The following XKR4 variants were observed in gnomAD, a reference collection of about 807,000 sequenced individuals.
XKR4 encodes the protein XK related 4.
A neutral mutation model predicts 53.9 loss-of-function variants in XKR4; 12 were observed. The ratio of observed to expected loss-of-function variants is 0.22; its 90% CI spans 0.14 to 0.36. The LOEUF (loss-of-function observed/expected upper bound fraction) is 0.36, where lower values mean the gene tolerates loss of function less well. Ranked by LOEUF, XKR4 falls within the 10% of genes least tolerant of loss-of-function variation. The pLI, the probability that XKR4 is intolerant of heterozygous loss-of-function variation, is 1.00. For missense variants in XKR4, 799 were observed against 859.5 expected (o/e 0.93, Z 0.88); for synonymous variants, 354 against 362.4 (o/e 0.98, Z 0.26).
At chr8:55,127,235 TAA>T (rs1262769020) in intron 1 of XKR4, among the ~76,000 whole-genome samples, 690 of 67,864 alleles carry the variant, frequency 0.01, 7 homozygotes, top group African/African-American at 0.038. Flanking sequence ...TTTAGGTGCC[TAA>T]CTCTTTTTTT....
intron 2 of XKR4, among the ~76,000 whole-genome samples, chr8:55,457,380 G>T (rs1429324884): frequency 6.6e-6 from 1 of 152,162 alleles, no homozygotes; most frequent in Non-Finnish European, 1.5e-5. Flanking sequence ...CTGACCTTGT[G>T]ATCTGCCCGC....
At chr8:55,174,856 C>T (rs188406977) in intron 1 of XKR4, among the ~76,000 whole-genome samples, 24 of 152,262 alleles carry the variant, frequency 1.6e-4, no homozygotes, top group Admixed American at 5.2e-4. Context: ...GCGTGTGTCA[C>T]AGCATGACTG....
At position 55,239,798 on chromosome 8, in the gene XKR4, G is replaced by A. The variant is rs73682920; in HGVS notation, c.807-117880G>A. Among the ~76,000 whole-genome samples, 996 of 152,086 alleles carry A rather than the reference G, an allele frequency of 6.5e-3. 8 individuals carry two copies. The highest frequency in any genetic ancestry group is 0.013 in the African/African-American group (556 of 41,488). On this transcript the variant is annotated intron_variant, in intron 1 of 2. Transcript: ENST00000327381. Reference sequence around the variant, plus strand: ...TCAACCCAAATTCCCATTCCATCCCGCAGCTTTCAAAAGTGGCCTCCTACA... The same window carrying A: ...TCAACCCAAATTCCCATTCCATCCCACAGCTTTCAAAAGTGGCCTCCTACA...
At chr8:55,361,478 C>T (rs970075019) in intron 2 of XKR4, among the ~76,000 whole-genome samples, 3 of 152,060 alleles carry the variant, frequency 2.0e-5, no homozygotes, top group Non-Finnish European at 4.4e-5. Flanking sequence ...TTGTATCTTC[C>T]AGCAAAATCT....
intron 1 of XKR4, among the ~76,000 whole-genome samples, chr8:55,291,234 C>G (rs1314176647): frequency 6.6e-6 from 1 of 152,160 alleles, no homozygotes; most frequent in South Asian, 2.1e-4. Context: ...TGTGTCTACT[C>G]TTGGCCGATA....
intron 2 of XKR4, among the ~76,000 whole-genome samples, chr8:55,506,287 TA>T (rs1806525762): frequency 6.6e-6 from 1 of 152,224 alleles, no homozygotes; most frequent in African/African-American, 2.4e-5. Flanking sequence ...GCATCTCTAC[TA>T]ACTAGAGATC....
Position 55,438,606 on chromosome 8 carries a change from AAG to A in XKR4, c.1006+80739_1006+80740del, listed in dbSNP as rs75932099. Among the ~76,000 whole-genome samples, 723 of 146,374 alleles carry A rather than the reference AAG, an allele frequency of 4.9e-3. 64 individuals are homozygous for A. The highest frequency in any genetic ancestry group is 0.021 in the Middle Eastern group (6 of 284). ...CTCCATCTTGAAAAAAAAAAAAAAA[AAG>A]AGAGAGAGACTTATAAAAGAAGATG... On this transcript the variant is annotated intron_variant, in intron 2 of 2. Coordinates refer to ENST00000327381, the MANE Select transcript of XKR4 (RefSeq NM_052898.2).
chr8:55,318,101 C>T (rs1427916429), intron 1 of XKR4, among the ~76,000 whole-genome samples: 1 of 152,132 alleles, frequency 6.6e-6, no homozygotes, highest in South Asian at 2.1e-4. Flanking sequence ...CAATTGTTGG[C>T]TTGAATCAAT....
chr8:55,289,787 G>C (rs962971225), intron 1 of XKR4, among the ~76,000 whole-genome samples: 1 of 140,674 alleles, frequency 7.1e-6, no homozygotes, highest in African/African-American at 2.7e-5. Flanking sequence ...GAGAGGGAGG[G>C]GGAGAGAGAG....
At chr8:55,376,975 CAGAG>C (rs1195826378) in intron 2 of XKR4, among the ~76,000 whole-genome samples, 4 of 151,284 alleles carry the variant, frequency 2.6e-5, no homozygotes, top group South Asian at 2.1e-4. Context: ...CACACACACA[CAGAG>C]AGAGAGAGAG....
intron 2 of XKR4, among the ~76,000 whole-genome samples, chr8:55,457,647 C>T (rs1453040240): frequency 6.6e-6 from 1 of 152,180 alleles, no homozygotes; most frequent in African/African-American, 2.4e-5. Flanking sequence ...AAAACATTCC[C>T]AGACAGAAAC....
At chr8:55,516,029 C>A (rs113369153) in intron 2 of XKR4, among the ~76,000 whole-genome samples, 1 of 152,154 alleles carries the variant, frequency 6.6e-6, no homozygotes, top group South Asian at 2.1e-4. Flanking sequence ...TGAGTGTGGG[C>A]AAGTCATTTA....
chr8:55,208,236 T>C (rs987957508), intron 1 of XKR4, among the ~76,000 whole-genome samples: 1 of 152,126 alleles, frequency 6.6e-6, no homozygotes, highest in Non-Finnish European at 1.5e-5. Context: ...TTAACTAGAG[T>C]CCTAGTGCTG....
chr8:55,288,960 G>A (rs904315712), intron 1 of XKR4, among the ~76,000 whole-genome samples: 55 of 152,074 alleles, frequency 3.6e-4, no homozygotes, highest in African/African-American at 1.3e-3. Context: ...ATGGTTATCT[G>A]GACATCCCAC....
intron 1 of XKR4, among the ~76,000 whole-genome samples, chr8:55,261,140 A>G (rs1040701750): frequency 3.3e-5 from 5 of 152,208 alleles, no homozygotes; most frequent in Non-Finnish European, 5.9e-5. Flanking sequence ...AGGAGAGGAA[A>G]GAAGACACAC....
intron 1 of XKR4, among the ~76,000 whole-genome samples, chr8:55,157,335 A>T (rs1321401372): frequency 1.3e-5 from 2 of 152,218 alleles, no homozygotes; most frequent in East Asian, 3.8e-4. Context: ...GAATAAAGAA[A>T]TTATGATAAA....
At chr8:55,117,726 G>A (rs907538657) in intron 1 of XKR4, among the ~76,000 whole-genome samples, 3 of 152,180 alleles carry the variant, frequency 2.0e-5, no homozygotes, top group African/African-American at 7.2e-5. Context: ...CGAATCTCAT[G>A]CTTTTCCCAC....
intron 2 of XKR4, among the ~76,000 whole-genome samples, chr8:55,465,406 A>G (rs1805747574): frequency 3.3e-5 from 5 of 152,052 alleles, no homozygotes; most frequent in Admixed American, 2.0e-4. Flanking sequence ...TATTTAATAA[A>G]TGGTGCTGGA....
intron 1 of XKR4, among the ~76,000 whole-genome samples, chr8:55,191,682 ATTCT>A (rs1241870058): frequency 0.031 from 4,300 of 136,672 alleles, 206 homozygotes; most frequent in African/African-American, 0.11. Flanking sequence ...TTTTAGTACA[ATTCT>A]TTTTTTTTTT....
Sources: allele counts gnomAD v4.1 joint callset (sites outside exome capture counted in the v4.1 genomes callset), GRCh38; gene constraint gnomAD v4.1.1; transcripts MANE v1.5; gene names NCBI Gene and HGNC (gene_info 2026-07-23, HGNC 2026-07-21).